Variants in CD6 observed in about 807,000 individuals in gnomAD.
The protein encoded by CD6 is CD6 molecule.
A neutral mutation model predicts 75.3 loss-of-function variants in CD6; 53 were observed. The observed-to-expected ratio is 0.70, with a 90% CI of 0.56 to 0.88. The LOEUF is 0.88. CD6 is among the 40% of genes least tolerant of loss of function. The pLI is 0.00. For missense variants in CD6, 770 were observed against 897.1 expected (o/e 0.86, Z 1.81); for synonymous variants, 359 against 381.5 (o/e 0.94, Z 0.69).
Position 61,019,583 on chromosome 11 carries a change from G to T in CD6, c.*265G>T. Reference sequence around the variant, plus strand: ...AGAGGTGTGAGCCCTCTGTCTCGGGGATGAACAAGCAGAGTCTGGGCTACC... The same window carrying T: ...AGAGGTGTGAGCCCTCTGTCTCGGGTATGAACAAGCAGAGTCTGGGCTACC... On this transcript the variant is annotated 3_prime_UTR_variant, in exon 13 of 13. Transcript: ENST00000313421. 1 of 389,554 alleles carries T rather than the reference G, an allele frequency of 2.6e-6. No homozygotes were observed. The highest frequency in any genetic ancestry group is 4.6e-6 in the Non-Finnish European group (1 of 218,578). The allele number at this position is 389,554 out of a possible 1,614,324, so 24.1% of individuals were successfully genotyped here.
chr11:60,995,233 C>G (rs1858244058), intron 1 of CD6, among the ~76,000 whole-genome samples: 1 of 152,090 alleles, frequency 6.6e-6, no homozygotes, highest in Non-Finnish European at 1.5e-5. Flanking sequence ...CAACCTCCCC[C>G]TCCCGGATTC....
At chr11:60,980,801 C>T (rs1196972129) in intron 1 of CD6, among the ~76,000 whole-genome samples, 1 of 142,704 alleles carries the variant, frequency 7.0e-6, no homozygotes, top group African/African-American at 2.4e-5. Flanking sequence ...GATCGCACCA[C>T]TGCACTTCAG....
chr11:60,991,678 G>C (rs914714140), intron 1 of CD6, among the ~76,000 whole-genome samples: 2 of 151,248 alleles, frequency 1.3e-5, no homozygotes, highest in South Asian at 4.2e-4. Flanking sequence ...TTTTTGTTTC[G>C]TTTTCATTTT....
chr11:61,012,239 C>G (rs1859183592), intron 6 of CD6, among the ~76,000 whole-genome samples: 1 of 152,206 alleles, frequency 6.6e-6, no homozygotes, highest in Non-Finnish European at 1.5e-5. Context: ...CACACGCTTT[C>G]TCTTCCTGAG....
intron 1 of CD6, among the ~76,000 whole-genome samples, chr11:60,987,328 G>A (rs1384561414): frequency 6.6e-6 from 1 of 152,168 alleles, no homozygotes; most frequent in African/African-American, 2.4e-5. Flanking sequence ...ATGTGCATGT[G>A]CCTGTGTCCA....
chr11:60,981,766 C>G (rs1857567057), intron 1 of CD6, among the ~76,000 whole-genome samples: 1 of 152,200 alleles, frequency 6.6e-6, no homozygotes, highest in African/African-American at 2.4e-5. Flanking sequence ...GCCCGAACGC[C>G]TTCTGCCTGA....
chr11:60,972,062 TG>T, intron 1 of CD6, 148 bp downstream of exon 1: 1 of 821,128 alleles, frequency 1.2e-6, no homozygotes. Context: ...GTCCAGCATC[TG>T]GGGCTAGGAG....
In CD6 at chr11:61,017,493, C is replaced by G. The variant is rs150172491; in HGVS notation, c.1525C>G (p.Arg509Gly). ...LTTFYNSQRH[R>G]VTDEEVQQSR... ...TCTGCTTGCAGATTCCCAGCGGCAT[C>G]GGGTCACAGATGAGGAGGTCCAGCA... is the stretch of plus-strand genomic sequence containing the variant. Residue 509 changes from arginine (R) to glycine (G), a missense_variant, in exon 10 of 13, where the codon CGG (arginine) becomes GGG (glycine). Arg to Gly is a moderately radical substitution (Grantham distance 125, BLOSUM62 -2). Coordinates refer to ENST00000313421, the MANE Select transcript of CD6 (RefSeq NM_006725.5). 6 of 1,549,492 alleles carry G rather than the reference C, an allele frequency of 3.9e-6. No individual in the cohort carries two copies. The highest frequency in any genetic ancestry group is 5.2e-6 in the Non-Finnish European group (6 of 1,146,940).
intron 1 of CD6, among the ~76,000 whole-genome samples, chr11:60,972,506 C>T (rs1413665679): frequency 6.6e-6 from 1 of 152,236 alleles, no homozygotes; most frequent in Non-Finnish European, 1.5e-5. Context: ...GTCAAGGCAC[C>T]TGGCCACCTG....
Position 60,994,457 on chromosome 11 carries a change from C to CAAAAAAAAAAAAAAAAAA in CD6, c.50-12103_50-12102insAAAAAAAAAAAAAAAAAA, listed in dbSNP as rs61349237. ...CTCATCCCCTCCCCAACACCCCCGC[C>CAAAAAAAAAAAAAAAAAA]AAAAAAAAAAAAAAGCTGAATTTCT... On this transcript the variant is annotated intron_variant, in intron 1 of 12. Transcript: ENST00000313421. 4.7e-4 allele frequency among the ~76,000 whole-genome samples: 25 copies of CAAAAAAAAAAAAAAAAAA among 52,962 alleles called. 1 individual carries two copies. Among genetic ancestry groups the CAAAAAAAAAAAAAAAAAA allele is most frequent in the South Asian group, 1.1e-3 (1 of 898 alleles). 34.7% of individuals were successfully genotyped at this position (52,962 alleles called of 152,430 possible).
Position 61,018,408 on chromosome 11 carries a change from G to T in CD6, c.1942+15G>T. 1 of 1,568,338 alleles carries T rather than the reference G, an allele frequency of 6.4e-7. No homozygotes were observed. Among genetic ancestry groups the T allele is most frequent in the Non-Finnish European group, 8.7e-7 (1 of 1,152,768 alleles). On this transcript the variant is annotated intron_variant, in intron 12 of 12. Coordinates refer to ENST00000313421, the MANE Select transcript of CD6 (RefSeq NM_006725.5). ...TGGCTGTCCAGGTGCCAATATCTGG[G>T]GAAGGGATGTGGGAGGGGGACAGAG...
chr11:61,012,608 T>C (rs1367331520), intron 6 of CD6, among the ~76,000 whole-genome samples: 2 of 152,184 alleles, frequency 1.3e-5, no homozygotes, highest in Non-Finnish European at 2.9e-5. Context: ...TCCCCGTTGC[T>C]GTCACTACTA....
Position 60,971,887 on chromosome 11 carries a change from A to G in CD6, c.22A>G (p.Thr8Ala). Residue 8 changes from threonine (T) to alanine (A), a missense_variant, in exon 1 of 13, where the codon ACT (threonine) becomes GCT (alanine). Physicochemically the swap from Thr to Ala is moderately conservative, Grantham distance 58. Coordinates refer to ENST00000313421, the MANE Select transcript of CD6 (RefSeq NM_006725.5). ...AGACATGTGGCTCTTCTTCGGGATC[A>G]CTGGATTGCTGACGGCAGCCCTCTC... Reference protein sequence around the residue: MWLFFGITGLLTAALSGH... With the variant: MWLFFGIAGLLTAALSGH... The G allele has an allele frequency of 1.2e-6, 2 of 1,614,006 alleles. No homozygotes were observed. Among genetic ancestry groups the G allele is most frequent in the East Asian group, 2.2e-5 (1 of 44,862 alleles).
intron 1 of CD6, among the ~76,000 whole-genome samples, chr11:60,981,701 A>G (rs1402271306): frequency 6.6e-6 from 1 of 152,196 alleles, no homozygotes; most frequent in Non-Finnish European, 1.5e-5. Context: ...CAGGGACAAC[A>G]GACGGAGGCA....
intron 1 of CD6, among the ~76,000 whole-genome samples, chr11:60,995,408 G>T (rs1443568953): frequency 2.0e-5 from 3 of 152,172 alleles, no homozygotes. Flanking sequence ...GCCTCTCAAA[G>T]TGCTGGGATT....
rs144310688 is a variant in CD6, at chr11:61,019,288, C to T, written c.1977C>T (p.Asn659=). The change falls in exon 13 of 13, where the codon AAC becomes AAT. Residue 659 remains asparagine, a synonymous_variant. Coordinates refer to ENST00000313421, the MANE Select transcript of CD6 (RefSeq NM_006725.5). The stretch of plus-strand genomic sequence containing the variant: ...GCCCTCAGCCTGACTCCACCGACAA[C>T]GATGACTACGATGACATCAGCGCAG... ...SPSPQPDSTD[N]DDYDDISAA The T allele has an allele frequency of 4.5e-5, 72 of 1,610,354 alleles. No individual in the cohort carries two copies. Among genetic ancestry groups the T allele is most frequent in the Non-Finnish European group, 4.4e-5 (52 of 1,179,814 alleles).
In CD6 at chr11:61,014,009, A is replaced by G; in HGVS notation, c.1382A>G (p.Lys461Arg). Reference protein sequence around the residue: ...SYQPVPITIPKEVFMLPIQVQ... With the variant: ...SYQPVPITIPREVFMLPIQVQ... Reference sequence around the variant, plus strand: ...CAACCGGTCCCCATCACCATCCCCAAAGAAGGTAGGATGTCCCCCATCCTG... The same window carrying G: ...CAACCGGTCCCCATCACCATCCCCAGAGAAGGTAGGATGTCCCCCATCCTG... Residue 461 changes from lysine to arginine, a missense_variant, in exon 8 of 13, where the codon AAA (lysine) becomes AGA (arginine). Lys to Arg is a conservative substitution (Grantham distance 26, BLOSUM62 2). Transcript: ENST00000313421. The G allele has an allele frequency of 6.2e-7, 1 of 1,609,888 alleles. No individual in the cohort carries two copies. Among genetic ancestry groups the G allele is most frequent in the East Asian group, 2.2e-5 (1 of 44,640 alleles).
intron 9 of CD6, 104 bp downstream of exon 9, chr11:61,015,939 T>A: frequency 7.3e-7 from 1 of 1,377,168 alleles, no homozygotes; most frequent in South Asian, 1.3e-5. Context: ...CCCTGCATGA[T>A]GCAGACAGAA....
In CD6 at chr11:61,001,926, T is replaced by C. The variant is rs539019046; in HGVS notation, c.50-4648T>C. On this transcript the variant is annotated intron_variant, in intron 1 of 12. Transcript: ENST00000313421. ...CACCAGCCTGTGGAGCTGGCCCTGC[T>C]TGGCCCCTTCCCCTGAAGCCCACTC... is the stretch of plus-strand genomic sequence containing the variant. Among the ~76,000 whole-genome samples the C allele has an allele frequency of 2.0e-5, 3 of 152,384 alleles. No individual in the cohort carries two copies. The East Asian group carries it at 5.8e-4, about 29-fold the overall frequency.
Sources: gnomAD v4.1 joint callset for allele counts (sites outside exome capture counted in the v4.1 genomes callset) on GRCh38, gnomAD v4.1.1 for gene constraint, MANE v1.5 for transcripts, NCBI Gene and HGNC (gene_info 2026-07-23, HGNC 2026-07-21) for gene names.